RALY: variants seen among roughly 807,000 people sequenced by gnomAD.
The protein encoded by RALY is RALY heterogeneous nuclear ribonucleoprotein.
In RALY, 15 loss-of-function variants were observed where a neutral mutation model predicts 30.7. The ratio of observed to expected loss-of-function variants is 0.49; its 90% CI spans 0.33 to 0.75. RALY has a LOEUF of 0.75. Ranked by LOEUF, RALY falls within the 30% of genes least tolerant of loss-of-function variation. RALY has a pLI of 0.02. For missense variants in RALY, 339 were observed against 414.3 expected (o/e 0.82, Z 1.58); for synonymous variants, 177 against 170.8 (o/e 1.04, Z -0.28).
rs200069717 is a variant in RALY at position 34,025,321 on chromosome 20, T to A, written c.-92-6201T>A. ...TCTCTCTCTCTCTCTTTTTTTTTTT[T>A]AAGACAATCTCAGTCTGTTGCCCAG... On this transcript the variant is annotated intron_variant, in intron 1 of 9. Coordinates refer to ENST00000246194, the MANE Select transcript of RALY (RefSeq NM_016732.3). 8.5e-3 allele frequency among the ~76,000 whole-genome samples: 1,277 copies of A among 149,692 alleles called. 49 individuals are homozygous for A. In the East Asian group the frequency reaches 0.14, roughly 17 times the overall value.
intron 2 of RALY, among the ~76,000 whole-genome samples, chr20:34,046,813 CTTTT>C (rs61495395): frequency 5.5e-5 from 4 of 72,760 alleles, no homozygotes; most frequent in Admixed American, 1.6e-4. Context: ...GACCTCCACT[CTTTT>C]TTTTTTTTTT....
At chr20:34,040,911 C>T (rs1018627018) in intron 2 of RALY, among the ~76,000 whole-genome samples, 1 of 152,154 alleles carries the variant, frequency 6.6e-6, no homozygotes, top group Non-Finnish European at 1.5e-5. Flanking sequence ...CACGGCCCTT[C>T]CAGGAGGGTA....
intron 2 of RALY, among the ~76,000 whole-genome samples, chr20:34,056,078 T>C (rs2033233881): frequency 6.6e-6 from 1 of 151,804 alleles, no homozygotes; most frequent in South Asian, 2.1e-4. Flanking sequence ...GAACGGGTGA[T>C]GGCTCACTCT....
intron 1 of RALY, among the ~76,000 whole-genome samples, chr20:34,002,699 G>C (rs1437901862): frequency 1.3e-5 from 2 of 152,176 alleles, no homozygotes; most frequent in Non-Finnish European, 2.9e-5. Context: ...CACCCAGTGT[G>C]TAAAGTCAAG....
chr20:34,077,836 ACT>A (rs1305587831), intron 8 of RALY, among the ~76,000 whole-genome samples: 4 of 152,290 alleles, frequency 2.6e-5, no homozygotes, highest in African/African-American at 9.6e-5. Context: ...CCCAGATCAT[ACT>A]CTCTAACTTC....
At chr20:34,008,113 A>G (rs2031243864) in intron 1 of RALY, among the ~76,000 whole-genome samples, 1 of 152,166 alleles carries the variant, frequency 6.6e-6, no homozygotes, top group South Asian at 2.1e-4. Flanking sequence ...CTTTTCCTAC[A>G]AACCATTTTT....
chr20:33,998,295 TAGG>T (rs1409922414), intron 1 of RALY, among the ~76,000 whole-genome samples: 2 of 152,218 alleles, frequency 1.3e-5, no homozygotes, highest in East Asian at 3.9e-4. Flanking sequence ...GAAGGCTTTT[TAGG>T]AGGAGAAGTT....
chr20:34,069,775 T>C (rs2033675669), intron 2 of RALY, among the ~76,000 whole-genome samples: 2 of 152,094 alleles, frequency 1.3e-5, no homozygotes, highest in South Asian at 2.1e-4. Context: ...GCCTGATAAG[T>C]GTAGATGAGT....
chr20:34,070,959 C>T (rs529397577), intron 2 of RALY, among the ~76,000 whole-genome samples: 19 of 152,184 alleles, frequency 1.2e-4, no homozygotes, highest in South Asian at 2.1e-4. Context: ...TAGTGGAAGG[C>T]GACGGGGAAG....
At chr20:34,014,155 G>T (rs1406702683) in intron 1 of RALY, among the ~76,000 whole-genome samples, 2 of 152,154 alleles carry the variant, frequency 1.3e-5, no homozygotes, top group African/African-American at 4.8e-5. Flanking sequence ...GCCCGTACTA[G>T]ATCTTGGGAA....
At chr20:34,002,295 A>G (rs2030953952) in intron 1 of RALY, among the ~76,000 whole-genome samples, 1 of 152,062 alleles carries the variant, frequency 6.6e-6, no homozygotes, top group South Asian at 2.1e-4. Flanking sequence ...GTTCAGAGGA[A>G]GTTACTTAGT....
intron 2 of RALY, among the ~76,000 whole-genome samples, chr20:34,037,096 T>C (rs957329611): frequency 2.0e-5 from 3 of 152,242 alleles, no homozygotes; most frequent in African/African-American, 7.2e-5. Context: ...ACCAGTGGAC[T>C]ATCAGTTTGC....
intron 1 of RALY, among the ~76,000 whole-genome samples, chr20:34,030,890 C>T (rs1360367603): frequency 6.6e-6 from 1 of 152,176 alleles, no homozygotes; most frequent in African/African-American, 2.4e-5. Context: ...CCCCAGACTT[C>T]ATTCAAATCT....
intron 1 of RALY, among the ~76,000 whole-genome samples, chr20:34,026,224 A>G (rs375116436): frequency 6.6e-6 from 1 of 151,918 alleles, no homozygotes; most frequent in Non-Finnish European, 1.5e-5. Context: ...TTTACCTCCT[A>G]TTGACACATT....
rs746317262 is a variant in RALY at position 34,073,833 on chromosome 20, A to T, written c.344A>T (p.Asp115Val). 2 of 1,614,098 alleles carry T rather than the reference A, an allele frequency of 1.2e-6. No individual in the cohort carries two copies. Among genetic ancestry groups the T allele is most frequent in the Non-Finnish European group, 1.7e-6 (2 of 1,179,990 alleles). Residue 115 changes from aspartate to valine, a missense_variant, in exon 5 of 10, where the codon GAC becomes GTC. Coordinates refer to ENST00000246194, the MANE Select transcript of RALY (RefSeq NM_016732.3). ...ASAIYSGYIF[D>V]YDYYRDDFYD... ...TGTTTCCCCAGTGGCTACATCTTTG[A>T]CTATGATTACTACCGGGACGACTTC...
At chr20:34,025,125 T>C (rs569564846) in intron 1 of RALY, among the ~76,000 whole-genome samples, 1 of 152,304 alleles carries the variant, frequency 6.6e-6, no homozygotes, top group Non-Finnish European at 1.5e-5. Context: ...CAGAAATGCG[T>C]TGGAGGCTGC....
At chr20:34,068,521 T>C (rs1298486843) in intron 2 of RALY, among the ~76,000 whole-genome samples, 1 of 152,164 alleles carries the variant, frequency 6.6e-6, no homozygotes, top group East Asian at 1.9e-4. Context: ...CTCCCTAACA[T>C]TGATTGAACA....
At chr20:34,025,926 G>A (rs1269899615) in intron 1 of RALY, among the ~76,000 whole-genome samples, 2 of 137,398 alleles carry the variant, frequency 1.5e-5, no homozygotes, top group Middle Eastern at 3.5e-3. Context: ...TTTTTTGTGG[G>A]GGGTGGGGAT....
chr20:34,074,978 C>T (rs1447088955), intron 5 of RALY, among the ~76,000 whole-genome samples: 2 of 152,190 alleles, frequency 1.3e-5, no homozygotes, highest in Non-Finnish European at 2.9e-5. Context: ...ACCCCCTGGG[C>T]TGCGATTCCC....
Sources: allele counts gnomAD v4.1 joint callset (sites outside exome capture counted in the v4.1 genomes callset), GRCh38; gene constraint gnomAD v4.1.1; transcripts MANE v1.5; gene names NCBI Gene and HGNC (gene_info 2026-07-23, HGNC 2026-07-21).